The following KLHL1 variants were observed in gnomAD, a reference collection of about 807,000 sequenced individuals.
KLHL1 encodes kelch like family member 1.
Under a neutral mutation model 77.7 loss-of-function variants are expected in KLHL1, and 47 were observed. The ratio of observed to expected loss-of-function variants is 0.60; its 90% CI spans 0.48 to 0.77. The LOEUF (loss-of-function observed/expected upper bound fraction) is 0.77, where lower values mean the gene tolerates loss of function less well. KLHL1 is among the 30% of genes least tolerant of loss of function. The pLI is 0.00. For synonymous variants in KLHL1, 360 were observed against 325.2 expected, an observed-to-expected ratio of 1.11 and a Z score of -1.15; for missense variants, 925 against 910.8, an observed-to-expected ratio of 1.02 and a Z score of -0.20.
chr13:69,702,387 T>G (rs1875436333), intron 10 of KLHL1, among the ~76,000 whole-genome samples: 1 of 151,758 alleles, frequency 6.6e-6, no homozygotes, highest in Admixed American at 6.6e-5. Context: ...ACAATAATTT[T>G]TACAGAGTTT....
At chr13:70,040,478 A>G (rs573951958) in intron 1 of KLHL1, among the ~76,000 whole-genome samples, 11 of 152,318 alleles carry the variant, frequency 7.2e-5, no homozygotes, top group African/African-American at 1.7e-4. Context: ...TTCTTATTCC[A>G]TATAGAATTC....
intron 4 of KLHL1, among the ~76,000 whole-genome samples, chr13:69,935,521 A>T (rs1883160302): frequency 1.3e-5 from 2 of 152,166 alleles, no homozygotes; most frequent in Non-Finnish European, 2.9e-5. Context: ...AGAGTTTTGA[A>T]GGTACTGGCA....
chr13:69,719,119 TTAAA>T (rs1593770109), intron 9 of KLHL1, among the ~76,000 whole-genome samples: 2 of 151,168 alleles, frequency 1.3e-5, no homozygotes, highest in Admixed American at 6.6e-5. Context: ...TTGTGGGGAT[TTAAA>T]TAAATATTAG....
intron 5 of KLHL1, among the ~76,000 whole-genome samples, chr13:69,858,846 G>T (rs769260873): frequency 4.8e-4 from 73 of 152,016 alleles, no homozygotes; most frequent in Non-Finnish European, 8.7e-4. Flanking sequence ...CAGAAAGAAA[G>T]AATACGTCCA....
chr13:69,883,306 CTCTT>C (rs1240176888), intron 4 of KLHL1, among the ~76,000 whole-genome samples: 1 of 152,086 alleles, frequency 6.6e-6, no homozygotes, highest in African/African-American at 2.4e-5. Flanking sequence ...TTTTCCTGTT[CTCTT>C]TGTTTTTCAA....
At chr13:69,909,760 T>G (rs1463152964) in intron 4 of KLHL1, among the ~76,000 whole-genome samples, 1 of 152,234 alleles carries the variant, frequency 6.6e-6, no homozygotes, top group African/African-American at 2.4e-5. Context: ...TTATTAAAGA[T>G]AAATAGAAAA....
At chr13:70,075,970 C>G (rs1887259623) in intron 1 of KLHL1, among the ~76,000 whole-genome samples, 1 of 150,868 alleles carries the variant, frequency 6.6e-6, no homozygotes, top group South Asian at 2.1e-4. Context: ...CTACAAAACT[C>G]TGAGGACAAA....
At chr13:70,015,134 A>T (rs2472279) in intron 1 of KLHL1, among the ~76,000 whole-genome samples, 81,732 of 151,920 alleles carry the variant, frequency 0.54, 22,194 homozygotes, top group Non-Finnish European at 0.57. Flanking sequence ...ATGTGCCACT[A>T]AATGATGGGG....
chr13:69,855,343 GATAGACAGAC>G (rs1879856692), intron 5 of KLHL1, among the ~76,000 whole-genome samples: 1 of 78,806 alleles, frequency 1.3e-5, no homozygotes, highest in South Asian at 3.6e-4. Context: ...TAGATAGATA[GATAGACAGAC>G]AGATAGATAC....
At chr13:70,107,144 C>T (rs552374416) in intron 1 of KLHL1, 59 bp downstream of exon 1, 3 of 1,529,092 alleles carry the variant, frequency 2.0e-6, no homozygotes, top group South Asian at 1.3e-5. Context: ...CATGAGCACA[C>T]GCGGTGAAAT....
intron 4 of KLHL1, among the ~76,000 whole-genome samples, chr13:69,934,141 T>C (rs1258211491): frequency 6.6e-6 from 1 of 152,140 alleles, no homozygotes; most frequent in African/African-American, 2.4e-5. Flanking sequence ...ATTTAATATA[T>C]TTAACACCTA....
intron 8 of KLHL1, 106 bp downstream of exon 8, chr13:69,740,288 A>G (rs1873931813): frequency 1.3e-6 from 1 of 792,956 alleles, no homozygotes; most frequent in East Asian, 2.7e-5. Context: ...ACAGCTTAAA[A>G]TGTTTTAAAA....
chr13:69,734,446 A>G (rs1202734219), intron 8 of KLHL1, among the ~76,000 whole-genome samples: 12 of 152,192 alleles, frequency 7.9e-5, no homozygotes, highest in Admixed American at 7.9e-4. Flanking sequence ...ATAAAGAAAA[A>G]TAAACTCCAA....
At chr13:69,708,007 A>G (rs542769413) in intron 9 of KLHL1, among the ~76,000 whole-genome samples, 109 of 152,154 alleles carry the variant, frequency 7.2e-4, no homozygotes, top group African/African-American at 2.5e-3. Context: ...ATTCAGACTC[A>G]TAGATGAATG....
chr13:69,947,621 C>A (rs1221044806), intron 3 of KLHL1, among the ~76,000 whole-genome samples: 3 of 151,814 alleles, frequency 2.0e-5, no homozygotes, highest in African/African-American at 7.2e-5. Flanking sequence ...TTATTGCTAG[C>A]TTTGGAGGTT....
At chr13:70,061,319 T>C (rs1028696813) in intron 1 of KLHL1, among the ~76,000 whole-genome samples, 3 of 145,846 alleles carry the variant, frequency 2.1e-5, no homozygotes, top group African/African-American at 7.4e-5. Flanking sequence ...TACTCCCCTT[T>C]CCTTGGCAGT....
intron 6 of KLHL1, among the ~76,000 whole-genome samples, chr13:69,807,593 C>T (rs1415904359): frequency 2.0e-5 from 3 of 152,092 alleles, no homozygotes; most frequent in African/African-American, 7.2e-5. Flanking sequence ...TAATCCCACA[C>T]CCGGCACCAT....
chr13:69,715,572 G>A (rs904564161), intron 9 of KLHL1, among the ~76,000 whole-genome samples: 6 of 151,536 alleles, frequency 4.0e-5, no homozygotes, highest in African/African-American at 1.2e-4. Context: ...CCAGGCTGGA[G>A]TGCAGTGGCG....
chr13:69,882,338 C>T lies in KLHL1; in HGVS notation c.1172G>A (p.Cys391Tyr). The T allele has an allele frequency of 1.9e-6, 3 of 1,614,010 alleles. No individual in the cohort carries two copies. Among genetic ancestry groups the T allele is most frequent in the South Asian group, 1.1e-5 (1 of 91,080 alleles). The change falls in exon 5 of 11, where the codon TGC (cysteine) becomes TAC (tyrosine). Residue 391 changes from cysteine to tyrosine, a missense_variant. Cys to Tyr is a radical substitution (Grantham distance 194, BLOSUM62 -2). Transcript: ENST00000377844. ...MWVKYDMQSRCNDLSMLLAFI... is the reference protein window; with the variant it reads ...MWVKYDMQSRYNDLSMLLAFI... ...GGCAAGAAGCATGCTCAGGTCATTGCATCTACTCTGCATGTCATACTTGAC... is the reference window on the plus strand; with the variant it reads ...GGCAAGAAGCATGCTCAGGTCATTGTATCTACTCTGCATGTCATACTTGAC...
Sources: allele counts gnomAD v4.1 joint callset (sites outside exome capture counted in the v4.1 genomes callset), GRCh38; gene constraint gnomAD v4.1.1; transcripts MANE v1.5; gene names NCBI Gene and HGNC (gene_info 2026-07-23, HGNC 2026-07-21).